Variants in BIN2 observed in about 807,000 individuals in gnomAD.
BIN2 encodes the protein bridging integrator 2, also known as breast cancer associated protein BRAP1.
BIN2 carries 43 observed loss-of-function variants against 67.9 expected under a neutral mutation model. The ratio of observed to expected loss-of-function variants is 0.63; its 90% CI spans 0.50 to 0.82. BIN2 has a LOEUF of 0.82. Among genes scored for constraint, BIN2 ranks in the 40% least tolerant of loss-of-function variants. The pLI is 0.00. For synonymous variants in BIN2, 244 were observed against 246.8 expected, an observed-to-expected ratio of 0.99 and a Z score of 0.11; for missense variants, 581 against 671.6, an observed-to-expected ratio of 0.87 and a Z score of 1.49.
chr12:51,305,532 G>A (rs1945844462), intron 2 of BIN2, among the ~76,000 whole-genome samples: 2 of 150,680 alleles, frequency 1.3e-5, no homozygotes, highest in South Asian at 4.2e-4. Flanking sequence ...GCTGAGGCAG[G>A]AGAATCACTT....
chr12:51,305,572 C>A (rs369158929), intron 2 of BIN2, among the ~76,000 whole-genome samples: 2 of 149,494 alleles, frequency 1.3e-5, no homozygotes, highest in African/African-American at 4.9e-5. Context: ...TGCAGTGAGC[C>A]GAGATCGCAC....
At chr12:51,309,725 A>G (rs956379219) in intron 2 of BIN2, among the ~76,000 whole-genome samples, 2 of 151,888 alleles carry the variant, frequency 1.3e-5, no homozygotes, top group African/African-American at 4.8e-5. Flanking sequence ...TCTCAAACGT[A>G]TTTTCCCCGC....
At chr12:51,295,427 A>G (rs1338050745) in intron 9 of BIN2, among the ~76,000 whole-genome samples, 10 of 147,384 alleles carry the variant, frequency 6.8e-5, no homozygotes, top group Admixed American at 1.3e-4. Flanking sequence ...GCCGGGCGTG[A>G]TGGCGGGCGC....
chr12:51,324,634 A>C (rs1300441166), upstream of BIN2: 2 of 1,137,752 alleles, frequency 1.8e-6, no homozygotes, highest in Non-Finnish European at 1.2e-6. Flanking sequence ...GAAAGCAGGC[A>C]GGACACCCGA....
At chr12:51,311,013 TGCTGG>T (rs2137423651) in intron 2 of BIN2, among the ~76,000 whole-genome samples, 1 of 152,054 alleles carries the variant, frequency 6.6e-6, no homozygotes, top group South Asian at 2.1e-4. Flanking sequence ...GCTGCCAAAG[TGCTGG>T]GATTATAGGT....
chr12:51,305,063 A>C (rs1022471957), intron 2 of BIN2, among the ~76,000 whole-genome samples: 11 of 137,714 alleles, frequency 8.0e-5, no homozygotes, highest in Non-Finnish European at 1.4e-4. Flanking sequence ...GGGGCCAGGC[A>C]CGGTGGCTCA....
At chr12:51,297,010 GA>G (rs1945583127) in intron 8 of BIN2, 78 bp downstream of exon 8, 2 of 1,333,858 alleles carry the variant, frequency 1.5e-6, no homozygotes, top group Non-Finnish European at 2.1e-6. Context: ...GATATTTAAA[GA>G]AATCATGTAA....
intron 10 of BIN2, among the ~76,000 whole-genome samples, chr12:51,289,039 C>T (rs1399656321): frequency 6.6e-6 from 1 of 151,992 alleles, no homozygotes; most frequent in South Asian, 2.1e-4. Context: ...TGAGCCACTG[C>T]GCCCGGCCCT....
At position 51,302,723 on chromosome 12, in the gene BIN2, T is replaced by C. The variant is rs1299610017; in HGVS notation, c.275A>G (p.Glu92Gly). The C allele has an allele frequency of 4.3e-6, 7 of 1,614,028 alleles. No homozygotes were observed. The highest frequency in any genetic ancestry group is 5.9e-6 in the Non-Finnish European group (7 of 1,179,992). ...CTTCAGCTCCTCATGACCGTCCCAC[T>C]CGCTGCTGTAGATCTCCTGCAGGGT... Reference protein sequence around the residue: ...SETLQEIYSSEWDGHEELKAI... With the variant: ...SETLQEIYSSGWDGHEELKAI... The change falls in exon 4 of 13, where the codon GAG becomes GGG. Residue 92 changes from glutamate to glycine, a missense_variant. Physicochemically the swap from Glu to Gly is moderately conservative, Grantham distance 98 (BLOSUM62 -2). Transcript: ENST00000615107.
intron 1 of BIN2, chr12:51,322,952 A>G (rs980374160): frequency 6.6e-6 from 1 of 152,158 alleles, no homozygotes; most frequent in African/African-American, 2.4e-5. Flanking sequence ...AAGCCTTCCC[A>G]GGGCTCAAAG....
In BIN2 at chr12:51,291,019, T is replaced by C. The variant is rs141615335; in HGVS notation, c.1515+572A>G. Among the ~76,000 whole-genome samples the C allele has an allele frequency of 2.1e-3, 311 of 148,268 alleles. 1 individual carries two copies. Among genetic ancestry groups the C allele is most frequent in the African/African-American group, 7.3e-3 (290 of 39,926 alleles). On this transcript the variant is annotated intron_variant, in intron 10 of 12. Transcript: ENST00000615107. ...CAAAAATTAGCCGGGTGTGGTGGCG[T>C]GCACCTGTAATCCCAGCTACTCTGG...
chr12:51,303,415 A>G (rs141429486), intron 2 of BIN2, among the ~76,000 whole-genome samples: 3 of 152,304 alleles, frequency 2.0e-5, no homozygotes, highest in African/African-American at 7.2e-5. Context: ...TCCACTGTTG[A>G]AAGGTAAGTG....
At chr12:51,302,659 A>G in intron 4 of BIN2, 27 bp downstream of exon 4, 1 of 1,574,818 alleles carries the variant, frequency 6.3e-7, no homozygotes, top group South Asian at 1.1e-5. Flanking sequence ...AAGTGCCAAT[A>G]AGTTGTAAAA....
chr12:51,298,525 T>C (rs939479985), intron 7 of BIN2, among the ~76,000 whole-genome samples: 6 of 152,156 alleles, frequency 3.9e-5, no homozygotes, highest in Non-Finnish European at 7.4e-5. Flanking sequence ...GGTGACAGAA[T>C]GAGACCCTGT....
In BIN2 at chr12:51,282,907, A is replaced by G. The variant is rs534487848; in HGVS notation, c.1669-1379T>C. Among the ~76,000 whole-genome samples, 3 of 152,008 alleles carry G rather than the reference A, an allele frequency of 2.0e-5. No homozygotes were observed. The East Asian group carries it at 5.8e-4, about 29-fold the overall frequency. On this transcript the variant is annotated intron_variant, in intron 12 of 12. Coordinates refer to ENST00000615107, the MANE Select transcript of BIN2 (RefSeq NM_016293.4). Reference sequence around the variant, plus strand: ...GCATGAACCACCACATCAGCCTACAATACTTTTTATTATTATTTTAGTGTG... The same window carrying G: ...GCATGAACCACCACATCAGCCTACAGTACTTTTTATTATTATTTTAGTGTG...
intron 1 of BIN2, among the ~76,000 whole-genome samples, chr12:51,316,422 T>G (rs1820617): frequency 0.64 from 96,647 of 151,808 alleles, 31,426 homozygotes; most frequent in African/African-American, 0.75. Context: ...CTTGAGCCTG[T>G]GAGGCAGAGG....
chr12:51,324,264 C>A, upstream of BIN2: 1 of 1,422,238 alleles, frequency 7.0e-7, no homozygotes, highest in Non-Finnish European at 9.1e-7. Flanking sequence ...CCTCAGCCCA[C>A]CACTGTCAGC....
In BIN2 at chr12:51,299,093, G is replaced by C. The variant is rs144903498; in HGVS notation, c.602+110C>G. ...CTGTCTCGAAAAAAAAAAAAAGGGG[G>C]CGGGGCAGTGTGGGAATTTAAATCT... On this transcript the variant is annotated intron_variant, in intron 7 of 12. Coordinates refer to ENST00000615107, the MANE Select transcript of BIN2 (RefSeq NM_016293.4). The C allele has an allele frequency of 2.7e-3, 1,726 of 649,438 alleles. 1 individual carries two copies. Among genetic ancestry groups the C allele is most frequent in the Non-Finnish European group, 3.5e-3 (1,342 of 384,246 alleles). 40.2% of individuals were successfully genotyped at this position (649,438 alleles called of 1,614,324 possible). A position where few individuals can be genotyped will look rare whatever the true frequency, so the allele number is the denominator to read the frequency against.
intron 12 of BIN2, among the ~76,000 whole-genome samples, chr12:51,284,219 T>A (rs1160389222): frequency 8.5e-5 from 13 of 152,134 alleles, no homozygotes; most frequent in Non-Finnish European, 1.6e-4. Flanking sequence ...ACTGTACTTT[T>A]CTATGTTTAG....
Sources: allele counts gnomAD v4.1 joint callset (sites outside exome capture counted in the v4.1 genomes callset), GRCh38; gene constraint gnomAD v4.1.1; transcripts MANE v1.5; gene names NCBI Gene and HGNC (gene_info 2026-07-23, HGNC 2026-07-21).